The following PLAGL1 variants were observed in gnomAD, a reference collection of about 807,000 sequenced individuals.
PLAGL1 encodes the protein zinc finger protein PLAGL1.
A neutral mutation model predicts 4.6 loss-of-function variants in PLAGL1; 1 was observed. That is an observed-to-expected ratio of 0.22 (90% confidence interval 0.08 to 1.03). PLAGL1 has a LOEUF of 1.03. Ranked by LOEUF, PLAGL1 falls within the 50% of genes least tolerant of loss-of-function variation. The pLI, the probability that PLAGL1 is intolerant of heterozygous loss-of-function variation, is 0.58. For missense variants in PLAGL1, 464 were observed against 570.4 expected (o/e 0.81, Z 1.90); for synonymous variants, 240 against 237.8 (o/e 1.01, Z -0.08).
chr6:143,993,368 AC>A (rs1790944311), intron 1 of PLAGL1, among the ~76,000 whole-genome samples: 1 of 150,660 alleles, frequency 6.6e-6, no homozygotes, highest in Non-Finnish European at 1.5e-5. Context: ...ACACACACAC[AC>A]AATTGACATG....
In PLAGL1 at chr6:143,983,865, A is replaced by C. The variant is rs1018836266; in HGVS notation, c.-544+1270T>G. Among the ~76,000 whole-genome samples the C allele has an allele frequency of 2.0e-5, 3 of 152,124 alleles. No individual in the cohort carries two copies. Among genetic ancestry groups the C allele is most frequent in the Non-Finnish European group, 4.4e-5 (3 of 68,012 alleles). On this transcript the variant is annotated intron_variant, in intron 2 of 7. Coordinates refer to ENST00000674357, the MANE Select transcript of PLAGL1 (RefSeq NM_001317162.2). This position sits in a 1 kb window ranked among gnomAD's most constrained non-coding sequence, Gnocchi z 6.6. ...TAATGACTAGGCCCACAGTATGACTATGGGAGAAAGTTGCTAATGTGGTTT... is the reference window on the plus strand; with the variant it reads ...TAATGACTAGGCCCACAGTATGACTCTGGGAGAAAGTTGCTAATGTGGTTT...
chr6:144,014,259 C>T (rs1203016301), intron 1 of PLAGL1, among the ~76,000 whole-genome samples: 1 of 151,830 alleles, frequency 6.6e-6, no homozygotes, highest in Non-Finnish European at 1.5e-5. Flanking sequence ...GGCAAAACCC[C>T]ATCAATACTA....
In PLAGL1 at chr6:144,057,743, C is replaced by T. The variant is rs567762140; in HGVS notation, c.-151+6725G>A. On this transcript the variant is annotated intron_variant, in intron 1 of 3. Coordinates refer to the PLAGL1 transcript ENST00000437412. Reference sequence around the variant, plus strand: ...GGTTGTTGGAGAAAGTGGCAAATGCCATCCCATGCCTTCCACACCACCACG... The same window carrying T: ...GGTTGTTGGAGAAAGTGGCAAATGCTATCCCATGCCTTCCACACCACCACG... Among the ~76,000 whole-genome samples, 6 of 151,638 alleles carry T rather than the reference C, an allele frequency of 4.0e-5. No homozygotes were observed. In the East Asian group the frequency reaches 1.2e-3, roughly 29 times the overall value.
chr6:144,053,699 T>C lies in PLAGL1; in HGVS notation c.-151+10769A>G, dbSNP rs1193783368. ...TTAGGCTTCGGGGATGGCAAATACA[T>C]GGAAAATGATCAGCTGTCTTCCTCA... is the stretch of plus-strand genomic sequence containing the variant. On this transcript the variant is annotated intron_variant, in intron 1 of 3. Coordinates refer to the PLAGL1 transcript ENST00000437412. This position sits in a 1 kb window ranked among gnomAD's most constrained non-coding sequence, Gnocchi z 4.0. Among the ~76,000 whole-genome samples, 1 of 152,162 alleles carries C rather than the reference T, an allele frequency of 6.6e-6. No homozygotes were observed. Among genetic ancestry groups the C allele is most frequent in the African/African-American group, 2.4e-5 (1 of 41,422 alleles).
Position 143,968,634 on chromosome 6 carries a change from A to C in PLAGL1, c.-472+273T>G, listed in dbSNP as rs1308708980. 6.6e-6 allele frequency: 1 copy of C among 152,254 alleles called. No homozygotes were observed. The highest frequency in any genetic ancestry group is 2.4e-5 in the African/African-American group (1 of 41,474). The allele number at this position is 152,254 out of a possible 1,614,324, so 9.4% of individuals were successfully genotyped here. ...CAGATAAATAGCAATGATCGTTCTT[A>C]GCGTGTCCTCTTGAATTTTTAGAGT... is the stretch of plus-strand genomic sequence containing the variant. On this transcript the variant is annotated intron_variant, in intron 3 of 7. Transcript: ENST00000674357. The surrounding 1 kb of genome is among the most constrained non-coding windows in gnomAD (Gnocchi z 6.3).
At chr6:143,992,580 A>AGTGAT (rs1284896466) in intron 1 of PLAGL1, among the ~76,000 whole-genome samples, 1 of 152,234 alleles carries the variant, frequency 6.6e-6, no homozygotes, top group East Asian at 1.9e-4. Flanking sequence ...CCAGAAAGAT[A>AGTGAT]GTGATGTGTT....
chr6:144,037,463 C>CTGTA (rs1797329658), intron 1 of PLAGL1: 1 of 150,128 alleles, frequency 6.7e-6, no homozygotes, highest in South Asian at 2.1e-4. Context: ...CAGTGTGCAC[C>CTGTA]TGTAGTCCCA....
chr6:143,961,566 G>T lies in PLAGL1; in HGVS notation c.-398-1024C>A, dbSNP rs2268449. On this transcript the variant is annotated intron_variant, in intron 5 of 7. Coordinates refer to ENST00000674357, the MANE Select transcript of PLAGL1 (RefSeq NM_001317162.2). This position sits in a 1 kb window ranked among gnomAD's most constrained non-coding sequence, Gnocchi z 6.5. ...ATCACAATACAGGAAAATACTGGAG[G>T]TGAGCAGGTTATTTGCCTGAGTCAT... 6.6e-3 allele frequency among the ~76,000 whole-genome samples: 1,003 copies of T among 152,268 alleles called. 41 individuals carry two copies. In the East Asian group the frequency reaches 0.11, roughly 17 times the overall value.
At chr6:144,001,686 GC>G (rs1477928886) in intron 1 of PLAGL1, among the ~76,000 whole-genome samples, 1 of 152,006 alleles carries the variant, frequency 6.6e-6, no homozygotes, top group Non-Finnish European at 1.5e-5. Flanking sequence ...AAGAAACCTT[GC>G]CAGACACCAT....
At chr6:143,992,722 G>T (rs1271190701) in intron 1 of PLAGL1, among the ~76,000 whole-genome samples, 1 of 152,166 alleles carries the variant, frequency 6.6e-6, no homozygotes, top group Non-Finnish European at 1.5e-5. Flanking sequence ...GGGCGAGGTG[G>T]CTCATAGCAC....
Position 143,994,478 on chromosome 6 carries a change from T to G in PLAGL1, c.-583-9304A>C, listed in dbSNP as rs542513094. Among the ~76,000 whole-genome samples the G allele has an allele frequency of 2.6e-5, 4 of 152,366 alleles. No homozygotes were observed. Among genetic ancestry groups the G allele is most frequent in the African/African-American group, 9.6e-5 (4 of 41,588 alleles). The stretch of plus-strand genomic sequence containing the variant: ...AGCGTATGACACTGATTTTACACTC[T>G]GCAGAAGTGCGGACAGATTTAACAA... On this transcript the variant is annotated intron_variant, in intron 1 of 7. Transcript: ENST00000674357. The surrounding 1 kb of genome is among the most constrained non-coding windows in gnomAD (Gnocchi z 4.3).
rs1023858145 is a variant in PLAGL1 at position 143,978,282 on chromosome 6, G to A, written c.-544+6853C>T. The stretch of plus-strand genomic sequence containing the variant: ...GTGGAAACTGAGGTTATTGATTTTA[G>A]GTTCTTTTTCTTTTCTAATACATCA... On this transcript the variant is annotated intron_variant, in intron 2 of 7. Transcript: ENST00000674357. The surrounding 1 kb of genome is among the most constrained non-coding windows in gnomAD (Gnocchi z 4.6). Among the ~76,000 whole-genome samples, 2 of 151,934 alleles carry A rather than the reference G, an allele frequency of 1.3e-5. No individual in the cohort carries two copies. The highest frequency in any genetic ancestry group is 4.8e-5 in the African/African-American group (2 of 41,380).
intron 1 of PLAGL1, among the ~76,000 whole-genome samples, chr6:144,038,751 C>T (rs1797476054): frequency 6.6e-6 from 1 of 151,976 alleles, no homozygotes; most frequent in Non-Finnish European, 1.5e-5. Flanking sequence ...TTATATGATC[C>T]CATTTATATG....
chr6:143,985,782 A>G lies in PLAGL1; in HGVS notation c.-583-608T>C, dbSNP rs1788879660. On this transcript the variant is annotated intron_variant, in intron 1 of 7. Transcript: ENST00000674357. The surrounding 1 kb of genome is among the most constrained non-coding windows in gnomAD (Gnocchi z 4.4). ...ACTCATTTCAAAAATCAAAACGCAA[A>G]AAGTAAGGGAGTCAGAAATGTTGTC... 6.6e-6 allele frequency among the ~76,000 whole-genome samples: 1 copy of G among 151,392 alleles called. No homozygotes were observed. The highest frequency in any genetic ancestry group is 2.1e-4 in the South Asian group (1 of 4,802).
chr6:143,952,144 AC>A lies in PLAGL1; in HGVS notation c.-324-3685del, dbSNP rs1781201367. On this transcript the variant is annotated intron_variant, in intron 6 of 7. Transcript: ENST00000674357. This position sits in a 1 kb window ranked among gnomAD's most constrained non-coding sequence, Gnocchi z 6.1. The stretch of plus-strand genomic sequence containing the variant: ...ACAACAACAACTGTGGGTATATACA[AC>A]ATCTCTCATCACCACGCACTTGATC... Among the ~76,000 whole-genome samples, 1 of 152,234 alleles carries A rather than the reference AC, an allele frequency of 6.6e-6. No individual in the cohort carries two copies. The highest frequency in any genetic ancestry group is 1.5e-5 in the Non-Finnish European group (1 of 68,036).
chr6:144,046,490 C>A (rs1583867298), intron 1 of PLAGL1, among the ~76,000 whole-genome samples: 2 of 152,180 alleles, frequency 1.3e-5, no homozygotes, highest in Non-Finnish European at 2.9e-5. Flanking sequence ...ACTCCAGACC[C>A]TGTTTGCCTG....
In PLAGL1 at chr6:144,015,362, C is replaced by T. The variant is rs1361674916; in HGVS notation, c.-150-46384G>A. ...TTGACAACACTGTTTTAGAAGAAAA[C>T]CTAGGGATAGGCAGAGACTGGCTGG... is the stretch of plus-strand genomic sequence containing the variant. On this transcript the variant is annotated intron_variant, in intron 1 of 3. Transcript: ENST00000437412. This position sits in a 1 kb window ranked among gnomAD's most constrained non-coding sequence, Gnocchi z 4.3. Among the ~76,000 whole-genome samples, 3 of 152,092 alleles carry T rather than the reference C, an allele frequency of 2.0e-5. No homozygotes were observed. Among genetic ancestry groups the T allele is most frequent in the African/African-American group, 7.2e-5 (3 of 41,402 alleles).
chr6:144,022,994 C>T lies in PLAGL1; in HGVS notation c.-151+41474G>A, dbSNP rs773282211. ...AAAAACTGGGAGCAACCACAATGTC[C>T]CTCAATAGATGAATGGACAAACTAT... On this transcript the variant is annotated intron_variant, in intron 1 of 3. Transcript: ENST00000437412. The surrounding 1 kb of genome is among the most constrained non-coding windows in gnomAD (Gnocchi z 4.2). Among the ~76,000 whole-genome samples the T allele has an allele frequency of 8.5e-5, 13 of 152,108 alleles. No homozygotes were observed. Among genetic ancestry groups the T allele is most frequent in the Admixed American group, 3.3e-4 (5 of 15,266 alleles).
chr6:143,942,539 A>G lies in PLAGL1; in HGVS notation c.277T>C (p.Cys93Arg). The G allele has an allele frequency of 6.2e-7, 1 of 1,614,016 alleles. No individual in the cohort carries two copies. The highest frequency in any genetic ancestry group is 8.5e-7 in the Non-Finnish European group (1 of 1,179,996). The change falls in exon 8 of 8, where the codon TGT becomes CGT. Residue 93 changes from cysteine to arginine, a missense_variant. By Grantham distance (180) the Cys-to-Arg change is radical. Around this residue, in one of 4 missense-constraint regions of PLAGL1, gnomAD observed 161 missense variants for 196.7 expected, o/e 0.82. Coordinates refer to ENST00000674357, the MANE Select transcript of PLAGL1 (RefSeq NM_001317162.2). The surrounding 1 kb of genome is among the most constrained non-coding windows in gnomAD (Gnocchi z 7.6). ...THDPNKMAFG[C>R]EECGKKYNTM... ...TTGTACTTCTTCCCACACTCCTCACACCCAAAGGCCATTTTGTTGGGGTCG... is the reference window on the plus strand; with the variant it reads ...TTGTACTTCTTCCCACACTCCTCACGCCCAAAGGCCATTTTGTTGGGGTCG...
Sources: gnomAD v4.1 joint callset for allele counts (sites outside exome capture counted in the v4.1 genomes callset) on GRCh38, gnomAD v4.1.1 for gene constraint, gnomAD v4.1.1 regional missense constraint, Gnocchi (gnomAD v3.1) non-coding constraint, MANE v1.5 for transcripts, NCBI Gene and HGNC (gene_info 2026-07-23, HGNC 2026-07-21) for gene names.